N4BP1: variants seen among roughly 807,000 people sequenced by gnomAD.
N4BP1 encodes the protein NEDD4-binding protein 1.
N4BP1 carries 21 observed loss-of-function variants against 70.9 expected under a neutral mutation model. The observed-to-expected ratio is 0.30, with a 90% CI of 0.21 to 0.43. The LOEUF is 0.43. N4BP1 is among the 20% of genes least tolerant of loss of function. The probability of loss-of-function intolerance (pLI) is 1.00; values close to 1 mark genes in which losing one functional copy is unlikely to be tolerated. For missense variants in N4BP1, 936 were observed against 1,069.4 expected (o/e 0.88, Z 1.74); for synonymous variants, 387 against 394.6 (o/e 0.98, Z 0.23).
At chr16:48,572,496 A>G (rs546540885) in intron 1 of N4BP1, among the ~76,000 whole-genome samples, 11 of 152,328 alleles carry the variant, frequency 7.2e-5, no homozygotes, top group African/African-American at 2.4e-4. Context: ...CTATAATTCT[A>G]TACCTATCCA....
chr16:48,595,257 T>C (rs940272869), intron 1 of N4BP1, among the ~76,000 whole-genome samples: 2 of 151,456 alleles, frequency 1.3e-5, no homozygotes, highest in Non-Finnish European at 2.9e-5. Context: ...AGGCCAGGAG[T>C]TCGAGACCAG....
rs776388321 is a variant in N4BP1 at position 48,553,653 on chromosome 16, A to G, written c.1906T>C (p.Phe636Leu). The G allele has an allele frequency of 6.3e-7, 1 of 1,586,620 alleles. No homozygotes were observed. The highest frequency in any genetic ancestry group is 8.6e-7 in the Non-Finnish European group (1 of 1,168,164). Residue 636 changes from phenylalanine (F) to leucine (L), a missense_variant, in exon 3 of 7, where the codon TTC becomes CTC. By Grantham distance (22) the Phe-to-Leu change is conservative (BLOSUM62 0). Around this residue, in one of 4 missense-constraint regions of N4BP1, gnomAD observed 229 missense variants for 343.5 expected, o/e 0.67. Coordinates refer to ENST00000262384, the MANE Select transcript of N4BP1 (RefSeq NM_153029.4). The part of the protein sequence containing the change: ...NVAITHGLKK[F>L]FSCRGIAIAV... Reference sequence around the variant, plus strand: ...ATTGCAATTCCACGACAAGAAAAGAACTTTTTCAGACCATGGCTAGAAATT... The same window carrying G: ...ATTGCAATTCCACGACAAGAAAAGAGCTTTTTCAGACCATGGCTAGAAATT...
At chr16:48,601,199 G>T (rs1288566636) in intron 1 of N4BP1, among the ~76,000 whole-genome samples, 9 of 152,196 alleles carry the variant, frequency 5.9e-5, no homozygotes, top group Admixed American at 5.9e-4. Flanking sequence ...ATTCTGATAG[G>T]CAGTCGTGGA....
intron 1 of N4BP1, among the ~76,000 whole-genome samples, chr16:48,606,927 A>G (rs1707936662): frequency 6.6e-6 from 1 of 152,200 alleles, no homozygotes; most frequent in Admixed American, 6.5e-5. Flanking sequence ...TAGATGTTGG[A>G]TCAAATTTGC....
At chr16:48,564,821 A>G (rs1963915662) in intron 1 of N4BP1, among the ~76,000 whole-genome samples, 2 of 152,170 alleles carry the variant, frequency 1.3e-5, no homozygotes, top group South Asian at 4.1e-4. Context: ...CCATTTATTT[A>G]GATTTCATTT....
chr16:48,582,421 T>C (rs1023489541), intron 1 of N4BP1, among the ~76,000 whole-genome samples: 9 of 151,726 alleles, frequency 5.9e-5, no homozygotes, highest in Admixed American at 2.0e-4. Flanking sequence ...TCAGATCGAC[T>C]GTAGCAGTAT....
At chr16:48,580,044 A>G (rs1447173056) in intron 1 of N4BP1, among the ~76,000 whole-genome samples, 11 of 152,164 alleles carry the variant, frequency 7.2e-5, no homozygotes, top group Non-Finnish European at 1.3e-4. Flanking sequence ...GTTCAAGACC[A>G]GCCTGGGCAA....
chr16:48,541,795 A>T lies in N4BP1; in HGVS notation c.*1109T>A, dbSNP rs1007539942. 1 of 152,702 alleles carries T rather than the reference A, an allele frequency of 6.5e-6. No individual in the cohort carries two copies. The highest frequency in any genetic ancestry group is 1.5e-5 in the Non-Finnish European group (1 of 68,056). 9.5% of individuals were successfully genotyped at this position (152,702 alleles called of 1,614,324 possible). A position where few individuals can be genotyped will look rare whatever the true frequency, so the allele number is the denominator to read the frequency against. Reference sequence around the variant, plus strand: ...AATATTAAGATATCAATTCTGAGAAAGACTCACAGGAAAGGCTGTTTAGGA... The same window carrying T: ...AATATTAAGATATCAATTCTGAGAATGACTCACAGGAAAGGCTGTTTAGGA... On this transcript the variant is annotated 3_prime_UTR_variant, in exon 7 of 7. Coordinates refer to ENST00000262384, the MANE Select transcript of N4BP1 (RefSeq NM_153029.4).
chr16:48,548,673 C>G (rs546803034), intron 4 of N4BP1, among the ~76,000 whole-genome samples: 4 of 151,670 alleles, frequency 2.6e-5, no homozygotes, highest in Non-Finnish European at 5.9e-5. Flanking sequence ...ATGGTGAAAC[C>G]CCGTCTCTAC....
intron 2 of N4BP1, among the ~76,000 whole-genome samples, chr16:48,556,508 T>C (rs1030562458): frequency 2.0e-5 from 3 of 152,214 alleles, no homozygotes; most frequent in African/African-American, 7.2e-5. Context: ...GCCAAAGCTC[T>C]GGGGCTCCCA....
At chr16:48,558,846 G>T (rs1207811573) in intron 2 of N4BP1, among the ~76,000 whole-genome samples, 1 of 152,164 alleles carries the variant, frequency 6.6e-6, no homozygotes, top group African/African-American at 2.4e-5. Context: ...AAACCAAAGT[G>T]AAATGACAAT....
chr16:48,600,917 G>C (rs953100706), intron 1 of N4BP1, among the ~76,000 whole-genome samples: 3 of 152,172 alleles, frequency 2.0e-5, no homozygotes, highest in African/African-American at 4.8e-5. Context: ...ATGCCAATTG[G>C]ATAATGGCAC....
intron 1 of N4BP1, among the ~76,000 whole-genome samples, chr16:48,572,988 T>A (rs529767827): frequency 2.0e-5 from 3 of 151,636 alleles, no homozygotes; most frequent in Middle Eastern, 3.4e-3. Flanking sequence ...GGTGCATGTC[T>A]GTAGTAGCAG....
intron 1 of N4BP1, among the ~76,000 whole-genome samples, chr16:48,594,431 TG>T (rs1412192846): frequency 2.6e-5 from 4 of 152,220 alleles, no homozygotes; most frequent in Non-Finnish European, 2.9e-5. Flanking sequence ...CTTGGCTCAC[TG>T]CAACCTCTGC....
intron 1 of N4BP1, among the ~76,000 whole-genome samples, chr16:48,582,750 T>G (rs1964190816): frequency 6.6e-6 from 1 of 152,178 alleles, no homozygotes; most frequent in Non-Finnish European, 1.5e-5. Flanking sequence ...AGGTATCTAC[T>G]GGGGGTCTTG....
chr16:48,548,163 C>A, intron 4 of N4BP1, 49 bp from the exon 5 acceptor site: 1 of 1,026,356 alleles, frequency 9.7e-7, no homozygotes, highest in South Asian at 1.3e-5. Context: ...ATCCTTGGCT[C>A]AGAGAAGCCA....
chr16:48,609,076 G>A (rs1373359014), intron 1 of N4BP1, among the ~76,000 whole-genome samples: 1 of 151,260 alleles, frequency 6.6e-6, no homozygotes, highest in African/African-American at 2.4e-5. Context: ...TGAGCCGGGC[G>A]TGGTGGCGCG....
chr16:48,582,297 C>T (rs1964184634), intron 1 of N4BP1, among the ~76,000 whole-genome samples: 1 of 152,072 alleles, frequency 6.6e-6, no homozygotes, highest in Non-Finnish European at 1.5e-5. Context: ...TTTAATTGTG[C>T]CCTCTAAGCA....
chr16:48,606,281 T>A (rs763734274), intron 1 of N4BP1, among the ~76,000 whole-genome samples: 86 of 152,104 alleles, frequency 5.7e-4, no homozygotes, highest in Non-Finnish European at 1.1e-3. Context: ...TACCACCCCC[T>A]ACCCCCTCAT....
Sources: gnomAD v4.1 joint callset for allele counts (sites outside exome capture counted in the v4.1 genomes callset) on GRCh38, gnomAD v4.1.1 for gene constraint, gnomAD v4.1.1 regional missense constraint, MANE v1.5 for transcripts, NCBI Gene and HGNC (gene_info 2026-07-23, HGNC 2026-07-21) for gene names.